TDRD3: variants seen among roughly 807,000 people sequenced by gnomAD.
The protein encoded by TDRD3 is tudor domain-containing protein 3.
TDRD3 carries 45 observed loss-of-function variants against 86.7 expected under a neutral mutation model. The observed-to-expected ratio is 0.52, with a 90% CI of 0.41 to 0.67. TDRD3 has a LOEUF of 0.67. TDRD3 is among the 30% of genes least tolerant of loss of function. The pLI is 0.00. For missense variants in TDRD3, 814 were observed against 889.0 expected (o/e 0.92, Z 1.07); for synonymous variants, 298 against 301.7 (o/e 0.99, Z 0.13).
chr13:60,453,910 G>GT (rs1026676781), intron 3 of TDRD3, among the ~76,000 whole-genome samples: 179 of 146,000 alleles, frequency 1.2e-3, no homozygotes, highest in Admixed American at 2.6e-3. Context: ...AGTTTTTTTT[G>GT]TTTTTTTTTC....
At position 60,547,476 on chromosome 13, in the gene TDRD3, A is replaced by G. The variant is rs865888865; in HGVS notation, c.2118+12243A>G. On this transcript the variant is annotated intron_variant, in intron 12 of 13. Coordinates refer to ENST00000377881, the MANE Select transcript of TDRD3 (RefSeq NM_001146070.2). ...TCGAGTCCTGGCTCTGCCACTTACT[A>G]CCTATGTGACTTTGGGTAAGTTACC... The G allele has an allele frequency of 6.3e-5, 58 of 916,328 alleles. No homozygotes were observed. In the Middle Eastern group the frequency reaches 2.2e-3, roughly 35 times the overall value. 56.8% of individuals were successfully genotyped at this position (916,328 alleles called of 1,614,324 possible).
At chr13:60,435,931 T>C (rs998703591) in intron 1 of TDRD3, among the ~76,000 whole-genome samples, 1 of 148,444 alleles carries the variant, frequency 6.7e-6, no homozygotes, top group Admixed American at 6.7e-5. Flanking sequence ...TTTTTTTTTT[T>C]ACTTTTTAAT....
Position 60,478,022 on chromosome 13 carries a change from AT to A in TDRD3, c.496-5744del, listed in dbSNP as rs35880320. Among the ~76,000 whole-genome samples the A allele has an allele frequency of 1.0e-3, 152 of 151,342 alleles. 1 individual carries two copies. Among genetic ancestry groups the A allele is most frequent in the African/African-American group, 3.5e-3 (144 of 41,256 alleles). ...GGTCTAGGATTTTTTTGGTTAAGAG[AT>A]TTTTTTTTATTAATTATTCAATTTC... On this transcript the variant is annotated intron_variant, in intron 5 of 13. Transcript: ENST00000377881.
chr13:60,467,376 G>A lies in TDRD3; in HGVS notation c.492G>A (p.Gln164=). Residue 164 remains glutamine, a synonymous_variant, in exon 5 of 14, where the codon CAG becomes CAA. Coordinates refer to ENST00000377881, the MANE Select transcript of TDRD3 (RefSeq NM_001146070.2). ...VEHLIEKWEL[Q]RSLSKHNRSN... ...ACCTTATTGAGAAATGGGAGTTACA[G>A]AGAGTAAGTGTAAACTATGGCTTGA... The A allele has an allele frequency of 6.2e-7, 1 of 1,613,316 alleles. No homozygotes were observed. The highest frequency in any genetic ancestry group is 8.5e-7 in the Non-Finnish European group (1 of 1,179,656).
chr13:60,555,890 G>A (rs1363867637), intron 12 of TDRD3, among the ~76,000 whole-genome samples: 31 of 136,186 alleles, frequency 2.3e-4, no homozygotes, highest in African/African-American at 7.6e-4. Context: ...TCGCTCTGTC[G>A]CCCAGGCTGG....
chr13:60,424,653 C>T (rs1404310739), intron 1 of TDRD3, among the ~76,000 whole-genome samples: 2 of 152,110 alleles, frequency 1.3e-5, no homozygotes, highest in African/African-American at 4.8e-5. Context: ...CCCCAGCCTG[C>T]GCAACAGAAG....
chr13:60,527,502 A>G, intron 10 of TDRD3, among the ~76,000 whole-genome samples: 1 of 152,230 alleles, frequency 6.6e-6, no homozygotes, highest in East Asian at 1.9e-4. Flanking sequence ...CAAGACACAT[A>G]CACCAAAGAC....
chr13:60,467,484 G>A, intron 5 of TDRD3, 105 bp downstream of exon 5: 1 of 1,182,198 alleles, frequency 8.5e-7, no homozygotes, highest in Non-Finnish European at 1.2e-6. Context: ...TGTCGGAGTT[G>A]AATAGAATGG....
intron 13 of TDRD3, among the ~76,000 whole-genome samples, chr13:60,570,927 C>G (rs1958572753): frequency 6.6e-6 from 1 of 152,100 alleles, no homozygotes; most frequent in African/African-American, 2.4e-5. Flanking sequence ...TGTAGCTTAT[C>G]CATATCAAAT....
chr13:60,551,607 T>G (rs979183907), intron 12 of TDRD3, among the ~76,000 whole-genome samples: 3 of 152,228 alleles, frequency 2.0e-5, no homozygotes, highest in Admixed American at 2.0e-4. Context: ...TTTAGACTAA[T>G]TCCTTTTCCT....
intron 1 of TDRD3, among the ~76,000 whole-genome samples, chr13:60,433,354 C>T (rs1955001480): frequency 6.6e-6 from 1 of 152,102 alleles, no homozygotes. Flanking sequence ...CTTTATATGT[C>T]CAGTTTGTAA....
At chr13:60,407,070 A>G (rs1313093478) in intron 1 of TDRD3, among the ~76,000 whole-genome samples, 1 of 152,206 alleles carries the variant, frequency 6.6e-6, no homozygotes, top group East Asian at 1.9e-4. Flanking sequence ...TAAATAAATT[A>G]AGCCAGTATT....
At chr13:60,434,945 G>A in intron 1 of TDRD3, among the ~76,000 whole-genome samples, 1 of 152,078 alleles carries the variant, frequency 6.6e-6, no homozygotes, top group East Asian at 1.9e-4. Flanking sequence ...GTGTTGTGTT[G>A]TTCTTCAGTT....
intron 3 of TDRD3, among the ~76,000 whole-genome samples, chr13:60,453,390 A>T (rs1360350404): frequency 6.6e-6 from 1 of 152,218 alleles, no homozygotes. Context: ...CTGGTTACCA[A>T]TCAATACATA....
intron 5 of TDRD3, among the ~76,000 whole-genome samples, chr13:60,470,589 G>C (rs1303193227): frequency 9.2e-6 from 1 of 108,128 alleles, no homozygotes; most frequent in African/African-American, 3.4e-5. Flanking sequence ...ATTATAGTTG[G>C]GTTTTTTTTT....
At chr13:60,461,700 A>G (rs1174245511) in intron 4 of TDRD3, among the ~76,000 whole-genome samples, 3 of 152,204 alleles carry the variant, frequency 2.0e-5, no homozygotes, top group Non-Finnish European at 4.4e-5. Flanking sequence ...TCAGCCTCTT[A>G]GTAGCTCATA....
intron 3 of TDRD3, among the ~76,000 whole-genome samples, chr13:60,457,563 AT>A (rs1399154836): frequency 1.3e-5 from 2 of 152,174 alleles, no homozygotes; most frequent in African/African-American, 4.8e-5. Context: ...AATATACAGT[AT>A]TTTCTTCGCA....
rs767705603 is a variant in TDRD3 at position 60,435,918 on chromosome 13, G to GTTTTTTTTTTTTTTTT, written c.42-3757_42-3756insTTTTTTTTTTTTTTTT. ...AAACCACATCATGACAACATCTATG[G>GTTTTTTTTTTTTTTTT]TTTTTTTTTTTTTACTTTTTAATTA... On this transcript the variant is annotated intron_variant, in intron 1 of 13. Coordinates refer to ENST00000377881, the MANE Select transcript of TDRD3 (RefSeq NM_001146070.2). 1.8e-4 allele frequency among the ~76,000 whole-genome samples: 22 copies of GTTTTTTTTTTTTTTTT among 124,758 alleles called. 1 individual carries two copies. Among genetic ancestry groups the GTTTTTTTTTTTTTTTT allele is most frequent in the Non-Finnish European group, 2.7e-4 (15 of 55,120 alleles). The allele number at this position is 124,758 out of a possible 152,430, so 81.8% of individuals were successfully genotyped here. A position where few individuals can be genotyped will look rare whatever the true frequency, so the allele number is the denominator to read the frequency against.
intron 7 of TDRD3, among the ~76,000 whole-genome samples, chr13:60,492,038 C>T (rs894663875): frequency 6.6e-5 from 10 of 151,958 alleles, no homozygotes; most frequent in Non-Finnish European, 1.3e-4. Flanking sequence ...AGGGCAACAC[C>T]AGTTACCTTA....
Sources: allele counts gnomAD v4.1 joint callset (sites outside exome capture counted in the v4.1 genomes callset), GRCh38; gene constraint gnomAD v4.1.1; transcripts MANE v1.5; gene names NCBI Gene and HGNC (gene_info 2026-07-23, HGNC 2026-07-21).